LRFN2: variants seen among roughly 807,000 people sequenced by gnomAD.
LRFN2 encodes the protein leucine-rich repeat and fibronectin type-III domain-containing protein 2.
LRFN2 carries 18 observed loss-of-function variants against 37.3 expected under a neutral mutation model. The observed-to-expected ratio is 0.48, with a 90% CI of 0.33 to 0.72. The LOEUF (loss-of-function observed/expected upper bound fraction) is 0.72, where lower values mean the gene tolerates loss of function less well. Ranked by LOEUF, LRFN2 falls within the 30% of genes least tolerant of loss-of-function variation. The pLI is 0.02. For synonymous variants in LRFN2, 556 were observed against 466.6 expected (o/e 1.19, Z -2.47); for missense variants, 1,006 against 1,060.7 (o/e 0.95, Z 0.72).
intron 1 of LRFN2, among the ~76,000 whole-genome samples, chr6:40,558,880 T>G (rs2113928204): frequency 6.6e-6 from 1 of 152,244 alleles, no homozygotes; most frequent in Non-Finnish European, 1.5e-5. Context: ...GGCATCTCAA[T>G]CCAAAGCCGG....
intron 1 of LRFN2, among the ~76,000 whole-genome samples, chr6:40,515,956 C>T (rs1325439447): frequency 1.3e-5 from 2 of 151,942 alleles, no homozygotes; most frequent in African/African-American, 2.4e-5. Flanking sequence ...TATAAATACC[C>T]CTGCTCACTC....
At chr6:40,570,102 AGT>A (rs1767161112) in intron 1 of LRFN2, among the ~76,000 whole-genome samples, 1 of 152,144 alleles carries the variant, frequency 6.6e-6, no homozygotes, top group Non-Finnish European at 1.5e-5. Flanking sequence ...CTCAGGCATC[AGT>A]GTTTGTTATA....
At chr6:40,576,500 A>G (rs768300073) in intron 1 of LRFN2, among the ~76,000 whole-genome samples, 1 of 152,216 alleles carries the variant, frequency 6.6e-6, no homozygotes, top group Non-Finnish European at 1.5e-5. Context: ...CCAGCATGAG[A>G]TAACTCATGC....
At chr6:40,507,444 G>A (rs929217361) in intron 1 of LRFN2, among the ~76,000 whole-genome samples, 1 of 152,188 alleles carries the variant, frequency 6.6e-6, no homozygotes, top group Non-Finnish European at 1.5e-5. Context: ...GCTGAGAGAG[G>A]GCTGAGCTTC....
intron 1 of LRFN2, among the ~76,000 whole-genome samples, chr6:40,540,463 A>G (rs1310553522): frequency 6.6e-6 from 1 of 151,874 alleles, no homozygotes; most frequent in Non-Finnish European, 1.5e-5. Flanking sequence ...CTCCCTCCCC[A>G]CCACCACAGG....
intron 1 of LRFN2, among the ~76,000 whole-genome samples, chr6:40,577,825 AAAAAT>A (rs1463762728): frequency 1.0e-5 from 1 of 97,098 alleles, no homozygotes; most frequent in African/African-American, 4.2e-5. Flanking sequence ...TAAAAAAAAT[AAAAAT>A]AAATAAAAAT....
chr6:40,496,294 C>T (rs1005481091), intron 1 of LRFN2, among the ~76,000 whole-genome samples: 3 of 152,132 alleles, frequency 2.0e-5, no homozygotes, highest in South Asian at 2.1e-4. Flanking sequence ...CCACCTCCAA[C>T]GTGTCCTCCA....
In LRFN2 at chr6:40,572,072, G is replaced by A. The variant is rs140101660; in HGVS notation, c.-19+14869C>T. ...ACCCCTCCTCCCGTTCTGCTCCCAC[G>A]CTTTGCTAACAGCGTGATGGTTGAG... is the stretch of plus-strand genomic sequence containing the variant. On this transcript the variant is annotated intron_variant, in intron 1 of 2. Transcript: ENST00000338305. Among the ~76,000 whole-genome samples, 97 of 152,292 alleles carry A rather than the reference G, an allele frequency of 6.4e-4. No homozygotes were observed. In the East Asian group the frequency reaches 0.016, roughly 25 times the overall value.
At chr6:40,519,512 C>A (rs911073464) in intron 1 of LRFN2, among the ~76,000 whole-genome samples, 2 of 152,206 alleles carry the variant, frequency 1.3e-5, no homozygotes, top group African/African-American at 4.8e-5. Flanking sequence ...GCTTCAGATT[C>A]AAGAGACCTC....
rs1762639928 is a variant in LRFN2, at chr6:40,397,445, T to G, written c.1401-4533A>C. Among the ~76,000 whole-genome samples the G allele has an allele frequency of 1.3e-5, 2 of 152,204 alleles. 1 individual carries two copies. Reference sequence around the variant, plus strand: ...ATTCTCAGCACCACACCATCTCTAGTGCTCCACCTAAAACACAACTCTGGC... The same window carrying G: ...ATTCTCAGCACCACACCATCTCTAGGGCTCCACCTAAAACACAACTCTGGC... On this transcript the variant is annotated intron_variant, in intron 2 of 2. Transcript: ENST00000338305.
intron 1 of LRFN2, among the ~76,000 whole-genome samples, chr6:40,579,442 G>A (rs893490269): frequency 6.6e-6 from 1 of 152,174 alleles, no homozygotes; most frequent in Non-Finnish European, 1.5e-5. Context: ...CTTAGTGGTA[G>A]AGCAGGGTGG....
intron 1 of LRFN2, among the ~76,000 whole-genome samples, chr6:40,494,353 G>T (rs1013697677): frequency 1.1e-4 from 17 of 152,234 alleles, no homozygotes; most frequent in African/African-American, 4.1e-4. Flanking sequence ...TGAGAGCAAG[G>T]GGCTTAGTTT....
intron 1 of LRFN2, among the ~76,000 whole-genome samples, chr6:40,466,210 T>C (rs1185525992): frequency 6.6e-6 from 1 of 152,148 alleles, no homozygotes; most frequent in Non-Finnish European, 1.5e-5. Context: ...ATTTGGATAC[T>C]TTATGACCTT....
chr6:40,435,034 TATATATATATATATATATAGAGAGAG>T (rs1307943808), intron 1 of LRFN2, among the ~76,000 whole-genome samples: 196 of 93,054 alleles, frequency 2.1e-3, no homozygotes, highest in African/African-American at 8.0e-3. Context: ...TATATATATA[TATATATATATATATATATAGAGAGAG>T]AGAGAGAGAG....
chr6:40,435,638 A>G (rs1024704762), intron 1 of LRFN2, among the ~76,000 whole-genome samples: 1 of 152,032 alleles, frequency 6.6e-6, no homozygotes, highest in Non-Finnish European at 1.5e-5. Context: ...TCCCAGGTTC[A>G]CGCCATTCTC....
At position 40,586,942 on chromosome 6, in the gene LRFN2, T is replaced by C. The variant is rs1428036660; in HGVS notation, c.-20A>G. The C allele has an allele frequency of 6.6e-6, 1 of 152,184 alleles. No homozygotes were observed. The highest frequency in any genetic ancestry group is 1.5e-5 in the Non-Finnish European group (1 of 68,002). 9.4% of individuals were successfully genotyped at this position (152,184 alleles called of 1,614,324 possible). A position where few individuals can be genotyped will look rare whatever the true frequency, so the allele number is the denominator to read the frequency against. ...GACGCAGCGCCGGCGACCACTCACC[T>C]GGGCGAGGCAGCATCTACCCCCGGC... is the stretch of plus-strand genomic sequence containing the variant. On this transcript the variant is annotated splice_region_variant and 5_prime_UTR_variant, in exon 1 of 3. Coordinates refer to ENST00000338305, the MANE Select transcript of LRFN2 (RefSeq NM_020737.3).
intron 1 of LRFN2, among the ~76,000 whole-genome samples, chr6:40,485,190 G>A (rs2113866095): frequency 6.6e-6 from 1 of 152,308 alleles, no homozygotes; most frequent in East Asian, 1.9e-4. Flanking sequence ...TGCACACCCA[G>A]ACATAGAAGG....
intron 2 of LRFN2, among the ~76,000 whole-genome samples, chr6:40,394,286 T>G (rs774722892): frequency 6.6e-6 from 1 of 152,098 alleles, no homozygotes; most frequent in Non-Finnish European, 1.5e-5. Flanking sequence ...AGATGATGCC[T>G]GTGTCACTTC....
intron 1 of LRFN2, chr6:40,517,262 A>G (rs1765906209): frequency 6.6e-6 from 1 of 152,208 alleles, no homozygotes; most frequent in African/African-American, 2.4e-5. Context: ...TGTACCAAGT[A>G]GAAGGAACAT....
Sources: gnomAD v4.1 joint callset for allele counts (sites outside exome capture counted in the v4.1 genomes callset) on GRCh38, gnomAD v4.1.1 for gene constraint, MANE v1.5 for transcripts, NCBI Gene and HGNC (gene_info 2026-07-23, HGNC 2026-07-21) for gene names.